FBXO30: variants seen among roughly 807,000 people sequenced by gnomAD.
The protein encoded by FBXO30 is F-box only protein 30.
FBXO30 carries 21 observed loss-of-function variants against 58.1 expected under a neutral mutation model. That is an observed-to-expected ratio of 0.36 (90% CI 0.26 to 0.52). The LOEUF (loss-of-function observed/expected upper bound fraction) is 0.52. FBXO30 is among the 20% of genes least tolerant of loss of function. The pLI, the probability that FBXO30 is intolerant of heterozygous loss-of-function variation, is 0.93. For missense variants in FBXO30, 744 were observed against 897.3 expected, an observed-to-expected ratio of 0.83 and a Z score of 2.18; for synonymous variants, 309 against 312.4, an observed-to-expected ratio of 0.99 and a Z score of 0.11.
intron 1 of FBXO30, among the ~76,000 whole-genome samples, chr6:145,813,694 A>AG (rs5880654): frequency 1 from 152,335 of 152,336 alleles, 76,167 homozygotes; most frequent in Non-Finnish European, 1. Context: ...GTATTAAAAG[A>AG]TTTTAAATTA....
rs1373535568 is a variant in FBXO30 at position 145,810,144 on chromosome 6, G to A, written c.-16-3723C>T. On this transcript the variant is annotated intron_variant, in intron 1 of 2. Transcript: ENST00000237281. ...TACATAGATAATGCTCAGTATAAGT[G>A]TATGGAACATTATATTACTAAATTT... Among the ~76,000 whole-genome samples, 5 of 152,160 alleles carry A rather than the reference G, an allele frequency of 3.3e-5. No homozygotes were observed. The East Asian group carries it at 7.7e-4, about 23-fold the overall frequency.
Position 145,804,491 on chromosome 6 carries a change from C to T in FBXO30, c.1915G>A (p.Val639Ile). The change falls in exon 2 of 3, where the codon GTA becomes ATA. Residue 639 changes from valine to isoleucine, a missense_variant. Val to Ile is a conservative substitution (Grantham distance 29, BLOSUM62 3). Coordinates refer to ENST00000237281, the MANE Select transcript of FBXO30 (RefSeq NM_032145.5). ...CACACATCCCTCATTAACTTGGATA[C>T]ACATGAGAGCTGACATAAGCTGAAG... ...DGFSLCQLSCVSKLMRDVCGS... is the reference protein window; with the variant it reads ...DGFSLCQLSCISKLMRDVCGS... 1 of 1,613,680 alleles carries T rather than the reference C, an allele frequency of 6.2e-7. No homozygotes were observed. Among genetic ancestry groups the T allele is most frequent in the Non-Finnish European group, 8.5e-7 (1 of 1,179,788 alleles).
chr6:145,809,072 T>C (rs1778263484), intron 1 of FBXO30, among the ~76,000 whole-genome samples: 1 of 152,228 alleles, frequency 6.6e-6, no homozygotes, highest in Non-Finnish European at 1.5e-5. Context: ...CTATATTTTT[T>C]AATTGTGTTA....
chr6:145,803,967 T>C (rs998390371), intron 2 of FBXO30, among the ~76,000 whole-genome samples: 2 of 152,114 alleles, frequency 1.3e-5, no homozygotes, highest in East Asian at 1.9e-4. Flanking sequence ...AGGAACAAAA[T>C]TGCCATAGAA....
chr6:145,805,464 A>C lies in FBXO30; in HGVS notation c.942T>G (p.Asn314Lys), dbSNP rs1778137740. 6.2e-7 allele frequency: 1 copy of C among 1,610,042 alleles called. No individual in the cohort carries two copies. The highest frequency in any genetic ancestry group is 1.1e-5 in the South Asian group (1 of 90,608). Residue 314 changes from asparagine to lysine, a missense_variant, in exon 2 of 3, where the codon AAT becomes AAG. By Grantham distance (94) the Asn-to-Lys change is moderately conservative (BLOSUM62 0). Coordinates refer to ENST00000237281, the MANE Select transcript of FBXO30 (RefSeq NM_032145.5). ...CATCTGATGATGCCACACAGTCTCC[A>C]TTTGTTAAGTTACTTTGTTTTGAAT... ...HGDSKQSNLT[N>K]GDCVASSDGT... is the part of the protein sequence containing the mutation.
chr6:145,795,829 T>A lies in FBXO30; in HGVS notation c.*4277A>T, dbSNP rs1416683886. The A allele has an allele frequency of 6.6e-6, 1 of 151,896 alleles. No homozygotes were observed. Among genetic ancestry groups the A allele is most frequent in the Non-Finnish European group, 1.5e-5 (1 of 67,836 alleles). 9.4% of individuals were successfully genotyped at this position (151,896 alleles called of 1,614,324 possible). On this transcript the variant is annotated 3_prime_UTR_variant, in exon 3 of 3. Transcript: ENST00000237281. ...AGATTATATATGTCAAATAAACATGTATAAGCAATTTATTTAAAAAAGTTT... is the reference window on the plus strand; with the variant it reads ...AGATTATATATGTCAAATAAACATGAATAAGCAATTTATTTAAAAAAGTTT...
At position 145,799,809 on chromosome 6, in the gene FBXO30, CAAAAAT is replaced by C. The variant is rs1562557868; in HGVS notation, c.*291_*296del. On this transcript the variant is annotated 3_prime_UTR_variant, in exon 3 of 3. Transcript: ENST00000237281. ...GTCAGGATTTTTTTAGTTTAAGAAGCAAAAATTTAAGAACCAAAATATGCACACCAC... is the reference window on the plus strand; with the variant it reads ...GTCAGGATTTTTTTAGTTTAAGAAGCTTAAGAACCAAAATATGCACACCAC... The C allele has an allele frequency of 5.7e-6, 1 of 175,348 alleles. No homozygotes were observed. Among genetic ancestry groups the C allele is most frequent in the African/African-American group, 2.4e-5 (1 of 42,276 alleles). 10.9% of individuals were successfully genotyped at this position (175,348 alleles called of 1,614,324 possible).
chr6:145,810,398 G>A (rs977050497), intron 1 of FBXO30, among the ~76,000 whole-genome samples: 1 of 152,136 alleles, frequency 6.6e-6, no homozygotes, highest in Non-Finnish European at 1.5e-5. Flanking sequence ...GCAATTGCTT[G>A]TAAATCCTGT....
chr6:145,804,381 T>A lies in FBXO30; in HGVS notation c.2025A>T (p.Ile675=), dbSNP rs1307652144. Residue 675 remains isoleucine (I), a synonymous_variant, in exon 2 of 3, where the codon ATA becomes ATT. Coordinates refer to ENST00000237281, the MANE Select transcript of FBXO30 (RefSeq NM_032145.5). ...KYPEGNSSWQ[I]KEKVWRFSTA... ...TAAAGATTACACTAACCTTTTCTTT[T>A]ATCTGCCATGATGAATTTCCTTCTG... 1 of 1,610,908 alleles carries A rather than the reference T, an allele frequency of 6.2e-7. No homozygotes were observed. The highest frequency in any genetic ancestry group is 2.2e-5 in the East Asian group (1 of 44,872).
rs576109568 is a variant in FBXO30 at position 145,805,949 on chromosome 6, T to C, written c.457A>G (p.Arg153Gly). ...CTTGATTTAACTGAGATTTGTTCTC[T>C]AGGTTTGGATACTTTATCAGTTGCT... ...SKATDKVSKP[R>G]EQISVKSSVP... Residue 153 changes from arginine to glycine, a missense_variant, in exon 2 of 3, where the codon AGA (arginine) becomes GGA (glycine). Transcript: ENST00000237281. 1.9e-6 allele frequency: 3 copies of C among 1,614,098 alleles called. No homozygotes were observed. Among genetic ancestry groups the C allele is most frequent in the East Asian group, 4.5e-5 (2 of 44,878 alleles).
intron 1 of FBXO30, among the ~76,000 whole-genome samples, chr6:145,812,489 G>C (rs1297456624): frequency 2.0e-5 from 3 of 152,144 alleles, no homozygotes; most frequent in Non-Finnish European, 4.4e-5. Context: ...GGCTTCCAAA[G>C]AGTCTCAGCT....
chr6:145,803,113 T>C (rs1311477053), intron 2 of FBXO30, among the ~76,000 whole-genome samples: 2 of 152,038 alleles, frequency 1.3e-5, no homozygotes, highest in African/African-American at 2.4e-5. Flanking sequence ...ATATAAATGA[T>C]GGCGAGTTAA....
intron 2 of FBXO30, among the ~76,000 whole-genome samples, chr6:145,801,926 A>C (rs2128665069): frequency 6.6e-6 from 1 of 152,224 alleles, no homozygotes; most frequent in South Asian, 2.1e-4. Context: ...ACTCAGGAAA[A>C]GCAGGCAAAA....
chr6:145,810,305 A>G (rs1419438681), intron 1 of FBXO30, among the ~76,000 whole-genome samples: 1 of 152,178 alleles, frequency 6.6e-6, no homozygotes, highest in Non-Finnish European at 1.5e-5. Context: ...CCTCAGCTTC[A>G]GAATTTAAAA....
chr6:145,804,745 C>T lies in FBXO30; in HGVS notation c.1661G>A (p.Arg554Lys). 1.2e-6 allele frequency: 2 copies of T among 1,613,928 alleles called. No individual in the cohort carries two copies. Among genetic ancestry groups the T allele is most frequent in the Non-Finnish European group, 1.7e-6 (2 of 1,179,884 alleles). Residue 554 changes from arginine (R) to lysine (K), a missense_variant, in exon 2 of 3, where the codon AGG becomes AAG. Arg to Lys is a conservative substitution (Grantham distance 26, BLOSUM62 2). Coordinates refer to ENST00000237281, the MANE Select transcript of FBXO30 (RefSeq NM_032145.5). ...HAGLNGWMEQ[R>K]CPLAYYGCTY... Reference sequence around the variant, plus strand: ...ACAACCATAGTAAGCTAAAGGGCACCTCTGTTCCATCCAGCCATTGAGTCC... The same window carrying T: ...ACAACCATAGTAAGCTAAAGGGCACTTCTGTTCCATCCAGCCATTGAGTCC...
Position 145,796,571 on chromosome 6 carries a change from A to G in FBXO30, c.*3535T>C, listed in dbSNP as rs536659536. 1.4e-4 allele frequency: 21 copies of G among 152,158 alleles called. No individual in the cohort carries two copies. The highest frequency in any genetic ancestry group is 4.8e-4 in the African/African-American group (20 of 41,560). The allele number at this position is 152,158 out of a possible 1,614,324, so 9.4% of individuals were successfully genotyped here. On this transcript the variant is annotated 3_prime_UTR_variant, in exon 3 of 3. Coordinates refer to ENST00000237281, the MANE Select transcript of FBXO30 (RefSeq NM_032145.5). ...ATTGCTTTCTCTCTACTGCACTTCT[A>G]AACAACCAACTCTGCAAGCTCCAAT...
intron 1 of FBXO30, among the ~76,000 whole-genome samples, chr6:145,810,427 T>C (rs1778301309): frequency 6.6e-6 from 1 of 152,208 alleles, no homozygotes; most frequent in Non-Finnish European, 1.5e-5. Context: ...TTTAAAAACA[T>C]CAATCTCTTA....
chr6:145,802,122 T>C (rs1778018523), intron 2 of FBXO30, among the ~76,000 whole-genome samples: 4 of 152,102 alleles, frequency 2.6e-5, no homozygotes, highest in Admixed American at 1.3e-4. Context: ...AAACTGACAA[T>C]TGATCAATCA....
At position 145,806,418 on chromosome 6, in the gene FBXO30, A is replaced by G. The variant is rs1286556561; in HGVS notation, c.-13T>C. ...GCTCCTCCTCCATAATGGCCAGTCCAGCTCTGGTTGATGAAATGGAAAAAG... is the reference window on the plus strand; with the variant it reads ...GCTCCTCCTCCATAATGGCCAGTCCGGCTCTGGTTGATGAAATGGAAAAAG... On this transcript the variant is annotated 5_prime_UTR_variant, in exon 2 of 3. Transcript: ENST00000237281. The G allele has an allele frequency of 3.1e-6, 5 of 1,600,088 alleles. No individual in the cohort carries two copies. The East Asian group carries it at 8.9e-5, about 29-fold the overall frequency.
Sources: allele counts gnomAD v4.1 joint callset (sites outside exome capture counted in the v4.1 genomes callset), GRCh38; gene constraint gnomAD v4.1.1; transcripts MANE v1.5; gene names NCBI Gene and HGNC (gene_info 2026-07-23, HGNC 2026-07-21).